The following RBFOX1 variants were observed in gnomAD, a reference collection of about 807,000 sequenced individuals.
RBFOX1 encodes the protein RNA binding protein fox-1 homolog 1.
Under a neutral mutation model 57.7 loss-of-function variants are expected in RBFOX1, and 8 were observed. The ratio of observed to expected loss-of-function variants is 0.14; its 90% CI spans 0.08 to 0.25. The LOEUF is 0.25. Among genes scored for constraint, RBFOX1 ranks in the 10% least tolerant of loss-of-function variants. The pLI is 1.00. For synonymous variants in RBFOX1, 326 were observed against 222.4 expected (o/e 1.47, Z -4.15); for missense variants, 611 against 548.5 (o/e 1.11, Z -1.14).
At chr16:6,084,879 G>T (rs1247297655) in intron 1 of RBFOX1, among the ~76,000 whole-genome samples, 2 of 152,132 alleles carry the variant, frequency 1.3e-5, no homozygotes, top group Non-Finnish European at 1.5e-5. Context: ...GACTTGAAGT[G>T]GCTAATGGCC....
chr16:6,079,205 C>T (rs531058187), intron 1 of RBFOX1, among the ~76,000 whole-genome samples: 1 of 152,294 alleles, frequency 6.6e-6, no homozygotes, highest in East Asian at 1.9e-4. Flanking sequence ...ATTCGGGAGG[C>T]TGAGGCAGGA....
At chr16:7,484,094 T>A (rs1249129500) in intron 4 of RBFOX1, among the ~76,000 whole-genome samples, 6 of 152,118 alleles carry the variant, frequency 3.9e-5, no homozygotes, top group African/African-American at 1.4e-4. Context: ...CTGTGCAGAG[T>A]CTTTTTTGTT....
rs113903265 is a variant in RBFOX1, at chr16:7,010,010, T to C, written c.-15-42047T>C. Reference sequence around the variant, plus strand: ...TGTGCTAAAAATCAATTAGACTTGATAGAAGCTCAGAGAACTCTTAAGAAA... The same window carrying C: ...TGTGCTAAAAATCAATTAGACTTGACAGAAGCTCAGAGAACTCTTAAGAAA... On this transcript the variant is annotated intron_variant, in intron 3 of 15. Coordinates refer to ENST00000550418, the MANE Select transcript of RBFOX1 (RefSeq NM_018723.4). Among the ~76,000 whole-genome samples the C allele has an allele frequency of 7.3e-3, 1,105 of 150,698 alleles. 15 individuals are homozygous for C. The highest frequency in any genetic ancestry group is 0.026 in the African/African-American group (1,049 of 40,446).
intron 2 of RBFOX1, among the ~76,000 whole-genome samples, chr16:6,482,534 A>G (rs138936226): frequency 5.3e-5 from 8 of 152,362 alleles, no homozygotes; most frequent in Non-Finnish European, 8.8e-5. Context: ...TGATGATATT[A>G]TTATTCAAGG....
intron 4 of RBFOX1, among the ~76,000 whole-genome samples, chr16:7,263,874 T>C (rs968054530): frequency 1.3e-5 from 2 of 148,502 alleles, no homozygotes; most frequent in Admixed American, 6.8e-5. Flanking sequence ...CACTCCAGCC[T>C]GGGCAACAAG....
chr16:6,086,089 C>T (rs779063440), intron 1 of RBFOX1, among the ~76,000 whole-genome samples: 27 of 152,056 alleles, frequency 1.8e-4, no homozygotes, highest in Non-Finnish European at 2.4e-4. Flanking sequence ...TTTTCTGTTC[C>T]TGTATTAGTT....
At chr16:7,603,611 A>T (rs909646167) in intron 9 of RBFOX1, among the ~76,000 whole-genome samples, 1 of 152,180 alleles carries the variant, frequency 6.6e-6, no homozygotes. Context: ...GTGAAAAGCT[A>T]GAGAGTTCTC....
chr16:7,353,153 G>T (rs2097157561), intron 4 of RBFOX1, among the ~76,000 whole-genome samples: 1 of 152,058 alleles, frequency 6.6e-6, no homozygotes, highest in Admixed American at 6.6e-5. Context: ...TTCTTTGAAT[G>T]GATTCAATTT....
At chr16:5,664,488 A>T (rs546183540) in intron 3 of RBFOX1, among the ~76,000 whole-genome samples, 5 of 152,246 alleles carry the variant, frequency 3.3e-5, no homozygotes, top group Middle Eastern at 3.4e-3. Flanking sequence ...CGGAGGTTGC[A>T]ATGAACCGAG....
intron 3 of RBFOX1, among the ~76,000 whole-genome samples, chr16:5,865,845 G>T (rs1265062962): frequency 6.6e-6 from 1 of 152,150 alleles, no homozygotes; most frequent in Non-Finnish European, 1.5e-5. Flanking sequence ...TGCTCATTGG[G>T]TTGTAGGTGG....
At chr16:7,339,935 T>C (rs1020139587) in intron 4 of RBFOX1, among the ~76,000 whole-genome samples, 5 of 152,168 alleles carry the variant, frequency 3.3e-5, no homozygotes, top group Admixed American at 3.3e-4. Context: ...AAGCACACCA[T>C]GTCCAAGTGG....
intron 12 of RBFOX1, among the ~76,000 whole-genome samples, chr16:7,660,762 G>C (rs974837775): frequency 2.0e-5 from 3 of 152,170 alleles, no homozygotes; most frequent in African/African-American, 7.2e-5. Flanking sequence ...TATTCAATCA[G>C]AACCTGTTGG....
intron 4 of RBFOX1, among the ~76,000 whole-genome samples, chr16:7,088,416 G>C (rs376564987): frequency 6.6e-6 from 1 of 152,116 alleles, no homozygotes; most frequent in Non-Finnish European, 1.5e-5. Context: ...TCTTTCATTT[G>C]CTTTAACCAG....
At chr16:5,692,749 C>T (rs1057243769) in intron 3 of RBFOX1, among the ~76,000 whole-genome samples, 4 of 151,886 alleles carry the variant, frequency 2.6e-5, no homozygotes, top group African/African-American at 4.8e-5. Context: ...GCAAACCTGC[C>T]GGGATCATCA....
At chr16:7,626,346 G>C (rs1300492729) in intron 10 of RBFOX1, among the ~76,000 whole-genome samples, 1 of 152,178 alleles carries the variant, frequency 6.6e-6, no homozygotes, top group Non-Finnish European at 1.5e-5. Flanking sequence ...CAGCAGAAAG[G>C]GTTCCGATGC....
At chr16:6,806,364 A>G (rs1055201506) in intron 3 of RBFOX1, among the ~76,000 whole-genome samples, 1 of 152,204 alleles carries the variant, frequency 6.6e-6, no homozygotes, top group Non-Finnish European at 1.5e-5. Context: ...GAAAGATGGA[A>G]TGAGAAACTG....
At chr16:5,862,750 G>A (rs565753032) in intron 3 of RBFOX1, among the ~76,000 whole-genome samples, 2 of 152,236 alleles carry the variant, frequency 1.3e-5, no homozygotes, top group Non-Finnish European at 2.9e-5. Context: ...GCCATTTTGA[G>A]TTGTTTTTGT....
chr16:6,087,456 T>A (rs991488901), intron 1 of RBFOX1, among the ~76,000 whole-genome samples: 1 of 152,186 alleles, frequency 6.6e-6, no homozygotes, highest in Admixed American at 6.5e-5. Flanking sequence ...TTGCTAACAC[T>A]TTCTAGCCTT....
At chr16:6,929,761 G>A (rs746180621) in intron 3 of RBFOX1, among the ~76,000 whole-genome samples, 10 of 152,144 alleles carry the variant, frequency 6.6e-5, no homozygotes, top group Admixed American at 1.3e-4. Context: ...AGAAATGATC[G>A]TTTCAGGGAA....
Sources: gnomAD v4.1 joint callset for allele counts (sites outside exome capture counted in the v4.1 genomes callset) on GRCh38, gnomAD v4.1.1 for gene constraint, MANE v1.5 for transcripts, NCBI Gene and HGNC (gene_info 2026-07-23, HGNC 2026-07-21) for gene names.